Variants in CADPS2 observed in about 807,000 individuals in gnomAD.
CADPS2 encodes the protein calcium dependent secretion activator 2.
Under a neutral mutation model 172.5 loss-of-function variants are expected in CADPS2, and 93 were observed. The observed-to-expected ratio is 0.54, with a 90% CI of 0.46 to 0.64. The LOEUF (loss-of-function observed/expected upper bound fraction) is 0.64, where lower values mean the gene tolerates loss of function less well. Ranked by LOEUF, CADPS2 falls within the 30% of genes least tolerant of loss-of-function variation. CADPS2 has a pLI of 0.00. For missense variants in CADPS2, 1,420 were observed against 1,565.9 expected, an observed-to-expected ratio of 0.91 and a Z score of 1.57; for synonymous variants, 546 against 555.2, an observed-to-expected ratio of 0.98 and a Z score of 0.23.
chr7:122,407,424 T>C, intron 20 of CADPS2, 116 bp downstream of exon 20: 1 of 1,127,824 alleles, frequency 8.9e-7, no homozygotes, highest in Non-Finnish European at 1.2e-6. Context: ...CAAACCTAAA[T>C]GTTACCCATG....
intron 1 of CADPS2, among the ~76,000 whole-genome samples, chr7:122,751,309 T>C (rs879419658): frequency 1.5e-4 from 23 of 152,138 alleles, no homozygotes; most frequent in South Asian, 1.2e-3. Flanking sequence ...CTAACATCTA[T>C]GCAAATTTCT....
chr7:122,807,306 T>G (rs1487434578), intron 1 of CADPS2, among the ~76,000 whole-genome samples: 2 of 152,198 alleles, frequency 1.3e-5, no homozygotes, highest in East Asian at 1.9e-4. Flanking sequence ...ATATCCCCAG[T>G]GCCTGAATCC....
chr7:122,797,621 A>T (rs1025403635), intron 1 of CADPS2, among the ~76,000 whole-genome samples: 8 of 152,194 alleles, frequency 5.3e-5, no homozygotes, highest in Non-Finnish European at 1.0e-4. Context: ...CCACGTTATC[A>T]TTTATAAGTG....
intron 1 of CADPS2, among the ~76,000 whole-genome samples, chr7:122,840,855 A>G (rs569926374): frequency 1.2e-4 from 19 of 152,296 alleles, no homozygotes; most frequent in African/African-American, 4.6e-4. Context: ...TCTACAGAAA[A>G]TTTATTAACA....
At chr7:122,468,851 C>G (rs2055513735) in intron 14 of CADPS2, among the ~76,000 whole-genome samples, 1 of 152,166 alleles carries the variant, frequency 6.6e-6, no homozygotes, top group Non-Finnish European at 1.5e-5. Flanking sequence ...TTATTTCTAT[C>G]CTAAATTGAG....
At chr7:122,515,636 C>G (rs1226250279) in intron 8 of CADPS2, among the ~76,000 whole-genome samples, 1 of 152,000 alleles carries the variant, frequency 6.6e-6, no homozygotes, top group African/African-American at 2.4e-5. Context: ...TGTTGGGCAA[C>G]TGGGTCATAT....
At chr7:122,645,487 CGTATATATATATAA>C (rs1563950100) in intron 3 of CADPS2, among the ~76,000 whole-genome samples, 2 of 89,136 alleles carry the variant, frequency 2.2e-5, no homozygotes, top group African/African-American at 4.9e-5. Flanking sequence ...ATATATTTAG[CGTATATATATATAA>C]GTATATATAT....
chr7:122,737,888 C>T (rs1207576372), intron 1 of CADPS2, among the ~76,000 whole-genome samples: 1 of 152,044 alleles, frequency 6.6e-6, no homozygotes, highest in East Asian at 1.9e-4. Context: ...AGAAAGATCC[C>T]TCTGGAAAGA....
At chr7:122,848,900 C>T (rs917003076) in intron 1 of CADPS2, among the ~76,000 whole-genome samples, 13 of 145,808 alleles carry the variant, frequency 8.9e-5, no homozygotes, top group Admixed American at 2.1e-4. Context: ...TTTCTGAAGA[C>T]TTTACTAAGA....
chr7:122,792,749 CA>C (rs1245931360), intron 1 of CADPS2, among the ~76,000 whole-genome samples: 1 of 152,066 alleles, frequency 6.6e-6, no homozygotes, highest in East Asian at 1.9e-4. Flanking sequence ...CACTGTTAAA[CA>C]TGAATACAGT....
intron 9 of CADPS2, among the ~76,000 whole-genome samples, chr7:122,509,016 T>C (rs1489985349): frequency 6.6e-6 from 1 of 152,212 alleles, no homozygotes; most frequent in Non-Finnish European, 1.5e-5. Context: ...ATGATTTTCT[T>C]GATTTGGCAA....
intron 7 of CADPS2, among the ~76,000 whole-genome samples, chr7:122,564,463 C>G (rs1026473722): frequency 6.6e-6 from 1 of 152,038 alleles, no homozygotes; most frequent in African/African-American, 2.4e-5. Flanking sequence ...TGCACACCAC[C>G]ATGCCTGGCT....
intron 2 of CADPS2, among the ~76,000 whole-genome samples, chr7:122,694,728 T>C (rs563864982): frequency 6.6e-6 from 1 of 152,322 alleles, no homozygotes; most frequent in Non-Finnish European, 1.5e-5. Context: ...TAATTTATAA[T>C]CTTTATTTTT....
chr7:122,392,910 G>C (rs1345275920), intron 22 of CADPS2, among the ~76,000 whole-genome samples: 1 of 152,068 alleles, frequency 6.6e-6, no homozygotes, highest in African/African-American at 2.4e-5. Flanking sequence ...AGGGTACAAT[G>C]TCACCAAATG....
rs563195844 is a variant in CADPS2 at position 122,629,973 on chromosome 7, A to C, written c.787-645T>G. Among the ~76,000 whole-genome samples the C allele has an allele frequency of 1.1e-4, 16 of 152,300 alleles. No homozygotes were observed. The South Asian group carries it at 2.7e-3, about 26-fold the overall frequency. ...AAATCTCCCATTTACATGGAAAATT[A>C]TTTTCACTTCATGAACTAATCCTTA... On this transcript the variant is annotated intron_variant, in intron 3 of 29. Coordinates refer to ENST00000449022, the MANE Select transcript of CADPS2 (RefSeq NM_017954.11).
At chr7:122,762,029 TA>T (rs2093403723) in intron 1 of CADPS2, among the ~76,000 whole-genome samples, 4 of 124,274 alleles carry the variant, frequency 3.2e-5, no homozygotes, top group African/African-American at 1.3e-4. Flanking sequence ...TATATATATA[TA>T]CACACACACA....
intron 2 of CADPS2, among the ~76,000 whole-genome samples, chr7:122,718,716 G>T (rs2089994638): frequency 6.6e-6 from 1 of 152,090 alleles, no homozygotes; most frequent in Admixed American, 6.6e-5. Flanking sequence ...CTTAAAGAAA[G>T]AACCAAACGC....
intron 1 of CADPS2, among the ~76,000 whole-genome samples, chr7:122,804,808 G>A (rs1589300678): frequency 6.6e-6 from 1 of 152,162 alleles, no homozygotes; most frequent in Middle Eastern, 3.4e-3. Flanking sequence ...ATTTTTCATG[G>A]TAATTCACTA....
At chr7:122,469,727 T>C (rs10248025) in intron 14 of CADPS2, among the ~76,000 whole-genome samples, 68,027 of 150,622 alleles carry the variant, frequency 0.45, 15,976 homozygotes, top group African/African-American at 0.56. Flanking sequence ...CTACAAAATG[T>C]AACACACTGT....
Sources: allele counts gnomAD v4.1 joint callset (sites outside exome capture counted in the v4.1 genomes callset), GRCh38; gene constraint gnomAD v4.1.1; transcripts MANE v1.5; gene names NCBI Gene and HGNC (gene_info 2026-07-23, HGNC 2026-07-21).